The following PABPC1 variants were observed in gnomAD, a reference collection of about 807,000 sequenced individuals.
PABPC1 encodes poly(A) binding protein cytoplasmic 1, also known as polyadenylate-binding protein 1.
Under a neutral mutation model 74.0 loss-of-function variants are expected in PABPC1, and 4 were observed. That is an observed-to-expected ratio of 0.05 (90% CI 0.03 to 0.12). The LOEUF is 0.12. Ranked by LOEUF, PABPC1 falls within the 10% of genes least tolerant of loss-of-function variation. The probability of loss-of-function intolerance (pLI) is 1.00; values close to 1 mark genes in which losing one functional copy is unlikely to be tolerated. For synonymous variants in PABPC1, 227 were observed against 264.1 expected, an observed-to-expected ratio of 0.86 and a Z score of 1.36; for missense variants, 271 against 821.1, an observed-to-expected ratio of 0.33 and a Z score of 8.19.
chr8:100,714,334 A>G (rs1810607880), intron 4 of PABPC1, among the ~76,000 whole-genome samples: 1 of 150,848 alleles, frequency 6.6e-6, no homozygotes, highest in South Asian at 2.1e-4. Context: ...AGATGTAAAC[A>G]TGATGTCACT....
intron 1 of PABPC1, among the ~76,000 whole-genome samples, chr8:100,718,926 A>G (rs1786317): frequency 0.26 from 39,351 of 152,056 alleles, 5,536 homozygotes; most frequent in South Asian, 0.36. Flanking sequence ...AGTTAGACAT[A>G]TTTGGTTTCA....
At chr8:100,715,061 T>C (rs917904204) in intron 4 of PABPC1, among the ~76,000 whole-genome samples, 10 of 151,962 alleles carry the variant, frequency 6.6e-5, no homozygotes, top group African/African-American at 1.9e-4. Context: ...TCTATGAGAC[T>C]GCATTCCACT....
chr8:100,707,958 A>C (rs1810425756), intron 9 of PABPC1, among the ~76,000 whole-genome samples: 1 of 152,194 alleles, frequency 6.6e-6, no homozygotes, highest in South Asian at 2.1e-4. Flanking sequence ...TCTTCTGGTC[A>C]CTTCTCACTA....
rs557304807 is a variant in PABPC1 at position 100,713,211 on chromosome 8, T to C, written c.644-30A>G. The C allele has an allele frequency of 1.3e-5, 17 of 1,305,286 alleles. No homozygotes were observed. In the Admixed American group the frequency reaches 2.5e-4, roughly 19 times the overall value. 80.9% of individuals were successfully genotyped at this position (1,305,286 alleles called of 1,614,324 possible). On this transcript the variant is annotated intron_variant, in intron 4 of 14. Coordinates refer to ENST00000318607, the MANE Select transcript of PABPC1 (RefSeq NM_002568.4). ...AAAATTTTTTTACATAAATCAAAGATATTCCATACAACATTCACGTTATAC... is the reference window on the plus strand; with the variant it reads ...AAAATTTTTTTACATAAATCAAAGACATTCCATACAACATTCACGTTATAC...
rs1364509495 is a variant in PABPC1, at chr8:100,717,523, T to C, written c.503+250A>G. ...TTTTCCTTTTGGCATGAATGTTAAT[T>C]ATATTAAACCTGTTATTTGTATGTT... On this transcript the variant is annotated intron_variant, in intron 3 of 14. Coordinates refer to ENST00000318607, the MANE Select transcript of PABPC1 (RefSeq NM_002568.4). 2.0e-5 allele frequency among the ~76,000 whole-genome samples: 3 copies of C among 152,250 alleles called. No individual in the cohort carries two copies. The East Asian group carries it at 5.8e-4, about 29-fold the overall frequency.
chr8:100,704,143 ATAGT>A, intron 14 of PABPC1, 150 bp downstream of exon 14: 1 of 650,960 alleles, frequency 1.5e-6, no homozygotes. Context: ...TAATTCCTCT[ATAGT>A]TAGTTCCACT....
At chr8:100,710,595 C>T (rs1465398600) in intron 7 of PABPC1, among the ~76,000 whole-genome samples, 3 of 152,184 alleles carry the variant, frequency 2.0e-5, no homozygotes, top group Non-Finnish European at 2.9e-5. Flanking sequence ...TGAATCTGAA[C>T]ATAGAATGTA....
rs1375481405 is a variant in PABPC1 at position 100,721,379 on chromosome 8, C to G, written c.193+12G>C. The G allele has an allele frequency of 1.3e-6, 2 of 1,500,382 alleles. No homozygotes were observed. 92.9% of individuals were successfully genotyped at this position (1,500,382 alleles called of 1,614,324 possible). A position where few individuals can be genotyped will look rare whatever the true frequency, so the allele number is the denominator to read the frequency against. ...CCCGCCCGCCCGGCCGACCGCGGAG[C>G]CCGGCGCTCACCGTCCGCCGGCTGC... On this transcript the variant is annotated intron_variant, in intron 1 of 14. Coordinates refer to ENST00000318607, the MANE Select transcript of PABPC1 (RefSeq NM_002568.4). The surrounding 1 kb of genome is among the most constrained non-coding windows in gnomAD (Gnocchi z 7.4).
At chr8:100,715,432 G>A (rs759020291) in intron 4 of PABPC1, 30 bp downstream of exon 4, 1 of 1,559,200 alleles carries the variant, frequency 6.4e-7, no homozygotes, top group Admixed American at 1.9e-5. Context: ...TCAGAGCTTT[G>A]TGTGTAAAAA....
chr8:100,720,792 G>C (rs1328973992), intron 1 of PABPC1, among the ~76,000 whole-genome samples: 1 of 152,174 alleles, frequency 6.6e-6, no homozygotes, highest in Admixed American at 6.5e-5. Context: ...TGAGTTCTGG[G>C]AAGTGGACTC....
At chr8:100,717,400 C>T (rs552230191) in intron 3 of PABPC1, among the ~76,000 whole-genome samples, 1 of 152,322 alleles carries the variant, frequency 6.6e-6, no homozygotes, top group African/African-American at 2.4e-5. Context: ...TTAACCAGTA[C>T]CTCAAGAATT....
chr8:100,711,078 A>G lies in PABPC1; in HGVS notation c.972+1284T>C, dbSNP rs576374497. On this transcript the variant is annotated intron_variant, in intron 7 of 14. Transcript: ENST00000318607. ...AGGTCACCTGAGGTCAGGAGTTGGA[A>G]GACCAGCTTGGCCAACATGGTGAAA... 7.2e-5 allele frequency among the ~76,000 whole-genome samples: 11 copies of G among 152,306 alleles called. No homozygotes were observed. In the East Asian group the frequency reaches 2.1e-3, roughly 29 times the overall value.
intron 14 of PABPC1, among the ~76,000 whole-genome samples, chr8:100,703,963 G>A (rs1810312427): frequency 6.6e-6 from 1 of 150,384 alleles, no homozygotes; most frequent in Admixed American, 6.7e-5. Flanking sequence ...GCCGAGGCAG[G>A]AGAATTGCTT....
chr8:100,704,174 G>C lies in PABPC1; in HGVS notation c.*1+123C>G. ...AGTTCCACTTTTCCTTGAAAAATTA[G>C]CAATACATTTAAATGAACTGTAAAA... On this transcript the variant is annotated intron_variant, in intron 14 of 14. Coordinates refer to ENST00000318607, the MANE Select transcript of PABPC1 (RefSeq NM_002568.4). The C allele has an allele frequency of 5.5e-6, 4 of 724,942 alleles. 1 individual carries two copies. The East Asian group carries it at 7.8e-5, about 14-fold the overall frequency. 44.9% of individuals were successfully genotyped at this position (724,942 alleles called of 1,614,324 possible). A position where few individuals can be genotyped will look rare whatever the true frequency, so the allele number is the denominator to read the frequency against.
chr8:100,703,252 T>C lies in PABPC1; in HGVS notation c.*109A>G. ...TTCAAAGTTTCCTTTCCTTTTTTTATTTATTTTATATTTTGCAATGTTTTT... is the reference window on the plus strand; with the variant it reads ...TTCAAAGTTTCCTTTCCTTTTTTTACTTATTTTATATTTTGCAATGTTTTT... On this transcript the variant is annotated 3_prime_UTR_variant, in exon 15 of 15. Coordinates refer to ENST00000318607, the MANE Select transcript of PABPC1 (RefSeq NM_002568.4). 6.0e-6 allele frequency: 1 copy of C among 167,302 alleles called. No homozygotes were observed. Among genetic ancestry groups the C allele is most frequent in the East Asian group, 1.9e-4 (1 of 5,278 alleles). The allele number at this position is 167,302 out of a possible 1,614,324, so 10.4% of individuals were successfully genotyped here.
At chr8:100,719,388 G>GT (rs34795139) in intron 1 of PABPC1, among the ~76,000 whole-genome samples, 3,420 of 142,154 alleles carry the variant, frequency 0.024, 103 homozygotes, top group African/African-American at 0.069. Context: ...AGCTTCCCTA[G>GT]TTTTTTTTTT....
rs748159948 is a variant in PABPC1, at chr8:100,719,645, T to C, written c.194-1365A>G. On this transcript the variant is annotated intron_variant, in intron 1 of 14. Transcript: ENST00000318607. ...TCTACTGGTACAGACTGATAATATA[T>C]ACTGTACACTGTAACCACGGCAACC... is the stretch of plus-strand genomic sequence containing the variant. 5.9e-5 allele frequency among the ~76,000 whole-genome samples: 9 copies of C among 152,198 alleles called. 1 individual carries two copies. The highest frequency in any genetic ancestry group is 1.3e-4 in the Admixed American group (2 of 15,278).
chr8:100,713,430 TAAA>T (rs967807437), intron 4 of PABPC1, among the ~76,000 whole-genome samples: 5 of 152,194 alleles, frequency 3.3e-5, no homozygotes, highest in African/African-American at 1.2e-4. Context: ...TAAACGGCTG[TAAA>T]AAGTTTTATT....
intron 13 of PABPC1, among the ~76,000 whole-genome samples, chr8:100,704,696 G>A (rs912076355): frequency 4.6e-5 from 7 of 152,216 alleles, no homozygotes; most frequent in African/African-American, 1.7e-4. Flanking sequence ...GGGATTTGAA[G>A]CCAGGCTCTG....
Sources: gnomAD v4.1 joint callset for allele counts (sites outside exome capture counted in the v4.1 genomes callset) on GRCh38, gnomAD v4.1.1 for gene constraint, Gnocchi (gnomAD v3.1) non-coding constraint, MANE v1.5 for transcripts, NCBI Gene and HGNC (gene_info 2026-07-23, HGNC 2026-07-21) for gene names.